The following TIAM2 variants were observed in gnomAD, a reference collection of about 807,000 sequenced individuals.
TIAM2 encodes rho guanine nucleotide exchange factor TIAM2.
TIAM2 carries 80 observed loss-of-function variants against 152.9 expected under a neutral mutation model. The ratio of observed to expected loss-of-function variants is 0.52; its 90% CI spans 0.44 to 0.63. TIAM2 has a LOEUF of 0.63. TIAM2 is among the 30% of genes least tolerant of loss of function. TIAM2 has a pLI of 0.00. For missense variants in TIAM2, 1,965 were observed against 2,120.1 expected (o/e 0.93, Z 1.44); for synonymous variants, 804 against 838.0 (o/e 0.96, Z 0.70).
intron 2 of TIAM2, among the ~76,000 whole-genome samples, chr6:155,106,529 T>C (rs1226285026): frequency 6.6e-6 from 1 of 152,234 alleles, no homozygotes; most frequent in East Asian, 1.9e-4. Context: ...AGTAAGTTTA[T>C]ACCCGATATT....
intron 1 of TIAM2, among the ~76,000 whole-genome samples, chr6:155,085,280 G>C (rs1385389390): frequency 6.6e-6 from 1 of 152,174 alleles, no homozygotes; most frequent in Non-Finnish European, 1.5e-5. Flanking sequence ...ACAATTTGAA[G>C]AAGGCATGAA....
intron 16 of TIAM2, among the ~76,000 whole-genome samples, chr6:155,243,713 G>A (rs551004871): frequency 6.6e-6 from 1 of 151,958 alleles, no homozygotes; most frequent in Admixed American, 6.6e-5. Flanking sequence ...TGAGTGTGGT[G>A]GAGCACACCT....
intron 1 of TIAM2, among the ~76,000 whole-genome samples, chr6:155,053,393 G>A (rs962271478): frequency 1.3e-5 from 2 of 151,254 alleles, no homozygotes; most frequent in South Asian, 2.1e-4. Context: ...GATCTCATGC[G>A]ATCCTCCTGC....
In TIAM2 at chr6:155,244,645, G is replaced by C. The variant is rs781352672; in HGVS notation, c.3418-13G>C. On this transcript the variant is annotated splice_polypyrimidine_tract_variant and intron_variant, in intron 17 of 26. Transcript: ENST00000682666. Reference sequence around the variant, plus strand: ...GGCTAATCCCCTCATTTCAAATCCTGATCTTCACATAGATGGAGTCACTTT... The same window carrying C: ...GGCTAATCCCCTCATTTCAAATCCTCATCTTCACATAGATGGAGTCACTTT... 1.9e-6 allele frequency: 3 copies of C among 1,613,128 alleles called. No individual in the cohort carries two copies. Among genetic ancestry groups the C allele is most frequent in the South Asian group, 2.2e-5 (2 of 90,878 alleles).
intron 14 of TIAM2, among the ~76,000 whole-genome samples, chr6:155,194,599 T>C (rs1473997790): frequency 1.3e-5 from 2 of 152,142 alleles, no homozygotes; most frequent in African/African-American, 4.8e-5. Flanking sequence ...GACTCTGTCT[T>C]GTATTTGTCA....
At chr6:155,042,740 T>C (rs1321201143) in intron 1 of TIAM2, among the ~76,000 whole-genome samples, 2 of 152,182 alleles carry the variant, frequency 1.3e-5, no homozygotes, top group African/African-American at 2.4e-5. Context: ...AAATAATATA[T>C]GCATTACCTC....
rs117225436 is a variant in TIAM2, at chr6:155,156,358, G to A, written c.2028+8024G>A. ...TACAACAGCCAGACTGGGTTGCATC[G>A]GAAAAGCACATCTGGGTCAGGTGCA... On this transcript the variant is annotated intron_variant, in intron 7 of 26. Coordinates refer to ENST00000682666, the MANE Select transcript of TIAM2 (RefSeq NM_012454.4). The surrounding 1 kb of genome is among the most constrained non-coding windows in gnomAD (Gnocchi z 4.4). 2.4e-4 allele frequency among the ~76,000 whole-genome samples: 37 copies of A among 152,140 alleles called. No individual in the cohort carries two copies. In the East Asian group the frequency reaches 7.0e-3, roughly 29 times the overall value.
At chr6:155,244,535 T>C in intron 17 of TIAM2, 123 bp from the exon 18 acceptor site, 2 of 1,229,934 alleles carry the variant, frequency 1.6e-6, no homozygotes, top group Non-Finnish European at 2.3e-6. Flanking sequence ...TCTTAAAGGA[T>C]TTACTTTCTG....
chr6:155,057,836 G>A lies in TIAM2; in HGVS notation c.-208-32453G>A, dbSNP rs370865008. On this transcript the variant is annotated intron_variant, in intron 1 of 26. Transcript: ENST00000682666. ...GCTGGGGTTACAGGCATGAGCCACC[G>A]CGCCTGGCCCCATAATGTACTCTTT... Among the ~76,000 whole-genome samples the A allele has an allele frequency of 6.3e-4, 96 of 152,146 alleles. No individual in the cohort carries two copies. In the South Asian group the frequency reaches 0.019, roughly 30 times the overall value.
rs1779573927 is a variant in TIAM2 at position 155,137,150 on chromosome 6, A to G, written c.1195-27A>G. Reference sequence around the variant, plus strand: ...ATGCTTTGGATAGCCGTAAGCTCTGATGGGTGATCATGTGTGTTTCTCACA... The same window carrying G: ...ATGCTTTGGATAGCCGTAAGCTCTGGTGGGTGATCATGTGTGTTTCTCACA... On this transcript the variant is annotated intron_variant, in intron 4 of 26. Transcript: ENST00000682666. The G allele has an allele frequency of 2.5e-6, 4 of 1,602,962 alleles. No homozygotes were observed. In the East Asian group the frequency reaches 8.9e-5, roughly 36 times the overall value.
intron 26 of TIAM2, chr6:155,255,789 CTT>C (rs1318789929): frequency 2.6e-5 from 4 of 152,406 alleles, no homozygotes; most frequent in Non-Finnish European, 4.4e-5. Flanking sequence ...CCCTTGAGCT[CTT>C]GAGAACAGGA....
At chr6:155,111,298 T>TACACACACACACAC (rs57988099) in intron 2 of TIAM2, among the ~76,000 whole-genome samples, 60 of 138,446 alleles carry the variant, frequency 4.3e-4, no homozygotes, top group Non-Finnish European at 6.0e-4. Flanking sequence ...ATTCTTGGAA[T>TACACACACACACAC]ACACACACAC....
chr6:155,012,803 G>A (rs193162568), intron 1 of TIAM2, among the ~76,000 whole-genome samples: 208 of 152,250 alleles, frequency 1.4e-3, no homozygotes, highest in Admixed American at 2.0e-3. Context: ...CGCCCTACTC[G>A]GGCTCCCAAA....
At position 155,240,622 on chromosome 6, in the gene TIAM2, G is replaced by A; in HGVS notation, c.3261G>A (p.Pro1087=). The A allele has an allele frequency of 3.7e-6, 6 of 1,614,118 alleles. No individual in the cohort carries two copies. Among genetic ancestry groups the A allele is most frequent in the Admixed American group, 1.7e-5 (1 of 60,034 alleles). Residue 1087 remains proline (P), a synonymous_variant, in exon 16 of 27, where the codon CCG becomes CCA. Transcript: ENST00000682666. ...EGPRENQDPP[P]RSLARHLSDA... ...CGCGGGAGAATCAGGATCCTCCTCCGAGGTCTCTGGCCCGCCACCTGTCTG... is the reference window on the plus strand; with the variant it reads ...CGCGGGAGAATCAGGATCCTCCTCCAAGGTCTCTGGCCCGCCACCTGTCTG...
chr6:155,243,979 C>A, intron 16 of TIAM2, 32 bp from the exon 17 acceptor site: 1 of 1,589,196 alleles, frequency 6.3e-7, no homozygotes, highest in Non-Finnish European at 8.6e-7. Flanking sequence ...GAGACTAAAG[C>A]GTTGAAGACA....
intron 1 of TIAM2, chr6:155,005,313 G>C (rs1778380260): frequency 4.9e-6 from 1 of 204,900 alleles, no homozygotes; most frequent in Non-Finnish European, 1.0e-5. Context: ...GAGAGACCCT[G>C]AGAGAGTTTT....
intron 2 of TIAM2, among the ~76,000 whole-genome samples, chr6:155,106,517 CAAGT>C (rs373321806): frequency 2.6e-5 from 4 of 152,276 alleles, no homozygotes; most frequent in South Asian, 2.1e-4. Flanking sequence ...GCAAGGAACA[CAAGT>C]AAGTTTATAC....
chr6:155,098,668 T>A lies in TIAM2; in HGVS notation c.-118+8289T>A, dbSNP rs1778474500. 2.6e-5 allele frequency among the ~76,000 whole-genome samples: 4 copies of A among 152,190 alleles called. No homozygotes were observed. The South Asian group carries it at 8.3e-4, about 32-fold the overall frequency. On this transcript the variant is annotated intron_variant, in intron 2 of 26. Coordinates refer to ENST00000682666, the MANE Select transcript of TIAM2 (RefSeq NM_012454.4). Reference sequence around the variant, plus strand: ...GTAATTTGACTTCTTCCTTTCCAATTTGGATGCTTTTTATTTCTTTCTCTC... The same window carrying A: ...GTAATTTGACTTCTTCCTTTCCAATATGGATGCTTTTTATTTCTTTCTCTC...
chr6:155,044,299 G>A (rs780747200), intron 1 of TIAM2, among the ~76,000 whole-genome samples: 22 of 152,264 alleles, frequency 1.4e-4, no homozygotes, highest in African/African-American at 3.9e-4. Context: ...CTCTTGCCAC[G>A]GGATCACGCA....
Sources: gnomAD v4.1 joint callset for allele counts (sites outside exome capture counted in the v4.1 genomes callset) on GRCh38, gnomAD v4.1.1 for gene constraint, Gnocchi (gnomAD v3.1) non-coding constraint, MANE v1.5 for transcripts, NCBI Gene and HGNC (gene_info 2026-07-23, HGNC 2026-07-21) for gene names.